The following SZT2 variants were observed in gnomAD, a reference collection of about 807,000 sequenced individuals.
SZT2 encodes the protein SZT2 subunit of KICSTOR complex, also known as KICSTOR complex protein SZT2.
SZT2 carries 216 observed loss-of-function variants against 404.2 expected under a neutral mutation model. The ratio of observed to expected loss-of-function variants is 0.53; its 90% CI spans 0.48 to 0.60. The LOEUF (loss-of-function observed/expected upper bound fraction) is 0.60. Ranked by LOEUF, SZT2 falls within the 20% of genes least tolerant of loss-of-function variation. The pLI is 0.00. For missense variants in SZT2, 3,857 were observed against 4,459.2 expected (o/e 0.86, Z 3.85); for synonymous variants, 1,693 against 1,749.9 (o/e 0.97, Z 0.81).
chr1:43,422,670 A>ACCCCCCCCCCCCCCCCCCC, intron 13 of SZT2, 38 bp downstream of exon 13: 1 of 506,506 alleles, frequency 2.0e-6, no homozygotes, highest in Non-Finnish European at 2.5e-6. Context: ...CCGCCCCCCC[A>ACCCCCCCCCCCCCCCCCCC]CCCCCCCGCC....
At chr1:43,398,525 C>T (rs1461817359) in intron 1 of SZT2, among the ~76,000 whole-genome samples, 2 of 152,124 alleles carry the variant, frequency 1.3e-5, no homozygotes, top group Non-Finnish European at 2.9e-5. Context: ...TGGCAGTATC[C>T]AGCATAGTCA....
chr1:43,451,116 A>G lies in SZT2; in HGVS notation c.*636A>G, dbSNP rs771907836. The G allele has an allele frequency of 4.1e-6, 4 of 968,092 alleles. No individual in the cohort carries two copies. The African/African-American group carries it at 4.8e-5, about 12-fold the overall frequency. The allele number at this position is 968,092 out of a possible 1,614,324, so 60.0% of individuals were successfully genotyped here. On this transcript the variant is annotated 3_prime_UTR_variant, in exon 72 of 72. Transcript: ENST00000634258. ...CAGCAGAGAAACTGAAGTGTTAGAC[A>G]CTATGTGTCCCACCACCCCATTACA...
At chr1:43,418,244 G>A (rs55663821) in intron 7 of SZT2, among the ~76,000 whole-genome samples, 52,098 of 151,920 alleles carry the variant, frequency 0.34, 9,525 homozygotes, top group Middle Eastern at 0.45. Context: ...GTAAAGGAGT[G>A]TTGTGTTTTG....
Position 43,419,895 on chromosome 1 carries a change from C to CT in SZT2, c.1042dup (p.Tyr348LeufsTer13). ...CTGTCTACCACCGGGCATTTCTCCT[C>CT]TATTCCTTCCTGCGCAGTGGGGAAG... On this transcript the variant is annotated frameshift_variant, in exon 8 of 72. Coordinates refer to ENST00000634258, the MANE Select transcript of SZT2 (RefSeq NM_001365999.1). LOFTEE classifies it high-confidence loss of function. 1 of 1,598,428 alleles carries CT rather than the reference C, an allele frequency of 6.3e-7. No homozygotes were observed. The highest frequency in any genetic ancestry group is 8.5e-7 in the Non-Finnish European group (1 of 1,179,774).
Position 43,427,305 on chromosome 1 carries a change from G to T in SZT2, c.3458G>T (p.Gly1153Val). 6.2e-7 allele frequency: 1 copy of T among 1,612,302 alleles called. No individual in the cohort carries two copies. The highest frequency in any genetic ancestry group is 8.5e-7 in the Non-Finnish European group (1 of 1,179,124). The change falls in exon 25 of 72, where the codon GGC becomes GTC. Residue 1153 changes from glycine (G) to valine (V), a missense_variant. Gly to Val is a moderately radical substitution (Grantham distance 109). This residue lies in a region of SZT2 where 1,725 missense variants were observed against 1,881.0 expected (regional missense o/e 0.92). Coordinates refer to ENST00000634258, the MANE Select transcript of SZT2 (RefSeq NM_001365999.1). ...GATGTCCAGCGTCTGGCTGCCTGTGGCCTGGAGGGACCCCCTCAAGAGGAG... is the reference window on the plus strand; with the variant it reads ...GATGTCCAGCGTCTGGCTGCCTGTGTCCTGGAGGGACCCCCTCAAGAGGAG... ...FSDVQRLAAC[G>V]LEGPPQEETK...
rs543404828 is a variant in SZT2, at chr1:43,443,600, C to T, written c.8629C>T (p.Arg2877Cys). 3.2e-5 allele frequency: 51 copies of T among 1,614,122 alleles called. No homozygotes were observed. In the African/African-American group the frequency reaches 3.3e-4, roughly 11 times the overall value. ...ETSGPPDGQR[R>C]HRPESGSGSR... Reference sequence around the variant, plus strand: ...TCCTTGATCTTTACTCTCATAGCGGCGCCATCGCCCTGAGTCAGGGTCTGG... The same window carrying T: ...TCCTTGATCTTTACTCTCATAGCGGTGCCATCGCCCTGAGTCAGGGTCTGG... Residue 2877 changes from arginine to cysteine, a missense_variant, in exon 62 of 72, where the codon CGC becomes TGC. Arg to Cys is a radical substitution (Grantham distance 180). This residue lies in a region of SZT2 where 717 missense variants were observed against 868.2 expected (regional missense o/e 0.83). Transcript: ENST00000634258.
At position 43,426,548 on chromosome 1, in the gene SZT2, C is replaced by T; in HGVS notation, c.3214+10C>T. On this transcript the variant is annotated intron_variant, in intron 22 of 71. Transcript: ENST00000634258. The surrounding 1 kb of genome is among the most constrained non-coding windows in gnomAD (Gnocchi z 4.9). ...ACCTGCCACGTTCCAGGTGAGTTCC[C>T]CACATCCTCCTGACACCAGACCCTG... The T allele has an allele frequency of 6.4e-7, 1 of 1,553,382 alleles. No individual in the cohort carries two copies. Among genetic ancestry groups the T allele is most frequent in the Non-Finnish European group, 8.7e-7 (1 of 1,153,688 alleles).
Position 43,425,100 on chromosome 1 carries a change from A to G in SZT2, c.2551-13A>G. Reference sequence around the variant, plus strand: ...GGCTGGGATTTGCCCAAGATCTCCCATTTTGCCCACAGAATGAACCACCAG... The same window carrying G: ...GGCTGGGATTTGCCCAAGATCTCCCGTTTTGCCCACAGAATGAACCACCAG... On this transcript the variant is annotated splice_polypyrimidine_tract_variant and intron_variant, in intron 17 of 71. Coordinates refer to ENST00000634258, the MANE Select transcript of SZT2 (RefSeq NM_001365999.1). This position sits in a 1 kb window ranked among gnomAD's most constrained non-coding sequence, Gnocchi z 4.3. 1.9e-6 allele frequency: 3 copies of G among 1,614,126 alleles called. No homozygotes were observed. Among genetic ancestry groups the G allele is most frequent in the Non-Finnish European group, 2.5e-6 (3 of 1,179,998 alleles).
Position 43,453,642 on chromosome 1 carries a change from G to C in SZT2, c.*3162G>C, listed in dbSNP as rs901331159. 5 of 1,490,234 alleles carry C rather than the reference G, an allele frequency of 3.4e-6. No homozygotes were observed. The African/African-American group carries it at 7.3e-5, about 22-fold the overall frequency. The allele number at this position is 1,490,234 out of a possible 1,614,324, so 92.3% of individuals were successfully genotyped here. ...AAGCCGCAGCCCCGCTTCTCGCGCG[G>C]CGCGCGCCAGCGCCTCAGGCGTCTC... is the stretch of plus-strand genomic sequence containing the variant. On this transcript the variant is annotated 3_prime_UTR_variant, in exon 72 of 72. Transcript: ENST00000634258.
At position 43,439,516 on chromosome 1, in the gene SZT2, C is replaced by A; in HGVS notation, c.6877+74C>A. ...TTTTGTCATCCTATTGCTAAGAGGA[C>A]ATTTCCCAGGCTTGCAGCTGAGTGG... is the stretch of plus-strand genomic sequence containing the variant. On this transcript the variant is annotated intron_variant, in intron 49 of 71. Transcript: ENST00000634258. The surrounding 1 kb of genome is among the most constrained non-coding windows in gnomAD (Gnocchi z 4.2). 1 of 1,599,810 alleles carries A rather than the reference C, an allele frequency of 6.3e-7. No individual in the cohort carries two copies.
rs908289652 is a variant in SZT2 at position 43,452,105 on chromosome 1, G to C, written c.*1625G>C. On this transcript the variant is annotated 3_prime_UTR_variant, in exon 72 of 72. Transcript: ENST00000634258. Reference sequence around the variant, plus strand: ...GGTCAAGGCCCTCACCTGTTCCTCTGACCTAGGCTGGCAGCCTCACGTGCT... The same window carrying C: ...GGTCAAGGCCCTCACCTGTTCCTCTCACCTAGGCTGGCAGCCTCACGTGCT... 11 of 1,509,310 alleles carry C rather than the reference G, an allele frequency of 7.3e-6. 1 individual carries two copies. The highest frequency in any genetic ancestry group is 1.8e-5 in the Admixed American group (1 of 56,382). The allele number at this position is 1,509,310 out of a possible 1,614,324, so 93.5% of individuals were successfully genotyped here.
rs758375511 is a variant in SZT2 at position 43,428,341 on chromosome 1, C to T, written c.4021C>T (p.Pro1341Ser). The T allele has an allele frequency of 6.2e-7, 1 of 1,614,144 alleles. No homozygotes were observed. The highest frequency in any genetic ancestry group is 8.5e-7 in the Non-Finnish European group (1 of 1,180,022). ...GCTACTACAAGAAATAGACATCACCCCATTTCTCCTTGCATTGTGTGGCCA... is the reference window on the plus strand; with the variant it reads ...GCTACTACAAGAAATAGACATCACCTCATTTCTCCTTGCATTGTGTGGCCA... ...EELLQEIDIT[P>S]FLLALCGHTW... The change falls in exon 28 of 72, where the codon CCA (proline) becomes TCA (serine). Residue 1341 changes from proline to serine, a missense_variant. Transcript: ENST00000634258.
Position 43,443,478 on chromosome 1 carries a change from G to A in SZT2, c.8625+1G>A. 1.2e-6 allele frequency: 2 copies of A among 1,614,104 alleles called. No homozygotes were observed. The highest frequency in any genetic ancestry group is 1.6e-4 in the Middle Eastern group (1 of 6,062). ...GACCTCTGGACCCCCTGACGGGCAG[G>A]TAAGGCTGACTCCCAGACTTCTAGC... On this transcript the variant is annotated splice_donor_variant, in intron 61 of 71. Coordinates refer to ENST00000634258, the MANE Select transcript of SZT2 (RefSeq NM_001365999.1). LOFTEE classifies it high-confidence loss of function.
chr1:43,416,758 T>C, intron 7 of SZT2, 117 bp downstream of exon 7: 2 of 773,570 alleles, frequency 2.6e-6, no homozygotes, highest in Non-Finnish European at 4.3e-6. Context: ...CTTAGTTACA[T>C]GGGGGGAAGG....
Position 43,414,281 on chromosome 1 carries a change from AAAAC to A in SZT2, c.499-785_499-782del, listed in dbSNP as rs768014487. Among the ~76,000 whole-genome samples the A allele has an allele frequency of 8.5e-4, 129 of 152,222 alleles. 1 individual carries two copies. Among genetic ancestry groups the A allele is most frequent in the African/African-American group, 1.4e-3 (57 of 41,540 alleles). The stretch of plus-strand genomic sequence containing the variant: ...CGACAGAGCAAGGCTCTGTCTCAAA[AAAAC>A]AAACAAACAAACAAAAAAAACTTGA... On this transcript the variant is annotated intron_variant, in intron 4 of 71. Transcript: ENST00000634258.
chr1:43,420,119 A>C lies in SZT2; in HGVS notation c.1091-34A>C, dbSNP rs759799162. On this transcript the variant is annotated intron_variant, in intron 8 of 71. Transcript: ENST00000634258. The surrounding 1 kb of genome is among the most constrained non-coding windows in gnomAD (Gnocchi z 5.1). ...CAGATCTGTCAGTTGGCAGATAACC[A>C]GTTTCTCCTTCCCCATCTCCACTGG... 6.9e-6 allele frequency: 11 copies of C among 1,594,802 alleles called. No homozygotes were observed. The highest frequency in any genetic ancestry group is 8.5e-6 in the Non-Finnish European group (10 of 1,177,496).
Position 43,451,424 on chromosome 1 carries a change from T to G in SZT2, c.*944T>G. 1.2e-6 allele frequency: 2 copies of G among 1,613,154 alleles called. No homozygotes were observed. Among genetic ancestry groups the G allele is most frequent in the Non-Finnish European group, 1.7e-6 (2 of 1,179,910 alleles). Reference sequence around the variant, plus strand: ...CCACGCCTCACCTCGAGGCTGATACTCACAGCCCACGAAGCCTTTGTAGCC... The same window carrying G: ...CCACGCCTCACCTCGAGGCTGATACGCACAGCCCACGAAGCCTTTGTAGCC... On this transcript the variant is annotated 3_prime_UTR_variant, in exon 72 of 72. Transcript: ENST00000634258.
Position 43,452,932 on chromosome 1 carries a change from C to T in SZT2, c.*2452C>T. 1 of 1,608,084 alleles carries T rather than the reference C, an allele frequency of 6.2e-7. No individual in the cohort carries two copies. Among genetic ancestry groups the T allele is most frequent in the Non-Finnish European group, 8.5e-7 (1 of 1,177,964 alleles). On this transcript the variant is annotated 3_prime_UTR_variant, in exon 72 of 72. Coordinates refer to ENST00000634258, the MANE Select transcript of SZT2 (RefSeq NM_001365999.1). ...CCAGCCTCAGGAACGCTGCCAAATA[C>T]ACCAGGCCTCCTCTTGCCACAGCAC...
rs1325394167 is a variant in SZT2 at position 43,453,825 on chromosome 1, G to A, written c.*3345G>A. The A allele has an allele frequency of 4.0e-6, 5 of 1,235,036 alleles. No individual in the cohort carries two copies. The highest frequency in any genetic ancestry group is 3.3e-5 in the East Asian group (1 of 30,586). 76.5% of individuals were successfully genotyped at this position (1,235,036 alleles called of 1,614,324 possible). A position where few individuals can be genotyped will look rare whatever the true frequency, so the allele number is the denominator to read the frequency against. ...GGAGGCCGGGCCGGGCGGAGTCCGC[G>A]GGATCCAAAGGCGGCGGGCGGCGGG... On this transcript the variant is annotated 3_prime_UTR_variant, in exon 72 of 72. Coordinates refer to ENST00000634258, the MANE Select transcript of SZT2 (RefSeq NM_001365999.1).
Sources: allele counts gnomAD v4.1 joint callset (sites outside exome capture counted in the v4.1 genomes callset), GRCh38; gene constraint gnomAD v4.1.1; regional missense constraint gnomAD v4.1.1; non-coding constraint Gnocchi (gnomAD v3.1); transcripts MANE v1.5; gene names NCBI Gene and HGNC (gene_info 2026-07-23, HGNC 2026-07-21).